ENO4: variants seen among roughly 807,000 people sequenced by gnomAD.
ENO4 encodes the protein 2-phospho-D-glycerate hydro-lyase.
A neutral mutation model predicts 63.2 loss-of-function variants in ENO4; 53 were observed. That is an observed-to-expected ratio of 0.84 (90% CI 0.67 to 1.05). The LOEUF (loss-of-function observed/expected upper bound fraction) is 1.05, where lower values mean the gene tolerates loss of function less well. Among genes scored for constraint, ENO4 ranks in the 50% least tolerant of loss-of-function variants. ENO4 has a pLI of 0.00. For synonymous variants in ENO4, 266 were observed against 283.8 expected (o/e 0.94, Z 0.63); for missense variants, 719 against 772.0 (o/e 0.93, Z 0.81).
chr10:116,881,660 C>T lies in ENO4; in HGVS notation c.1869C>T (p.Ser623=), dbSNP rs987434804. 6.5e-6 allele frequency: 10 copies of T among 1,545,348 alleles called. No individual in the cohort carries two copies. Among genetic ancestry groups the T allele is most frequent in the Non-Finnish European group, 8.7e-6 (10 of 1,144,626 alleles). ...AGGAATCAGCCGAAACAGGAGCATC[C>T]TCTGGATAGGGCTGTACACACCCCA... ...GVEESAETGA[S]SG is the part of the protein sequence containing the mutation. The change falls in exon 14 of 14, where the codon TCC becomes TCT. Residue 623 remains serine (S), a synonymous_variant. Coordinates refer to ENST00000341276, the MANE Select transcript of ENO4 (RefSeq NM_001242699.2).
intron 8 of ENO4, among the ~76,000 whole-genome samples, 193 bp downstream of exon 8, chr10:116,868,899 CGACCATCGCTGGCAGCAGCTGTCT>C (rs1846615351): frequency 1.3e-5 from 2 of 152,132 alleles, no homozygotes; most frequent in Admixed American, 1.3e-4. Context: ...ACAGGCTGCC[CGACCATCGCTGGCAGCAGCTGTCT>C]GACCATCTGG....
At chr10:116,880,105 G>A in intron 13 of ENO4, 119 bp downstream of exon 13, 1 of 687,372 alleles carries the variant, frequency 1.5e-6, no homozygotes, top group East Asian at 2.9e-5. Context: ...CCATACATAA[G>A]TGCTGACAAA....
downstream of ENO4, among the ~76,000 whole-genome samples, chr10:116,912,207 C>T (rs1848226236): frequency 6.6e-6 from 1 of 152,186 alleles, no homozygotes; most frequent in Non-Finnish European, 1.5e-5. Flanking sequence ...TGTCCTCTAC[C>T]TGCATTGCTG....
At chr10:116,888,489 C>G (rs1001690973) in intron 10 of ENO4, among the ~76,000 whole-genome samples, 1 of 152,156 alleles carries the variant, frequency 6.6e-6, no homozygotes, top group Non-Finnish European at 1.5e-5. Flanking sequence ...GCTGTTCTGA[C>G]AGTTGGGAGG....
At chr10:116,865,269 C>T (rs1055042002) in intron 7 of ENO4, among the ~76,000 whole-genome samples, 1 of 152,056 alleles carries the variant, frequency 6.6e-6, no homozygotes, top group Non-Finnish European at 1.5e-5. Flanking sequence ...CTCACTGCAA[C>T]CTCTGCTTTC....
At chr10:116,852,973 C>A (rs572305180) in intron 1 of ENO4, among the ~76,000 whole-genome samples, 1 of 152,254 alleles carries the variant, frequency 6.6e-6, no homozygotes, top group East Asian at 1.9e-4. Context: ...TGGTTTAAAC[C>A]ACCAAGGTTT....
At chr10:116,849,997 A>T in intron 1 of ENO4, 97 of 573,860 alleles carry the variant, frequency 1.7e-4, no homozygotes, top group Middle Eastern at 5.5e-4. Flanking sequence ...GCGGCAGCCC[A>T]GGGGCTGGCA....
At chr10:116,879,810 T>A in intron 12 of ENO4, 59 bp from the exon 13 acceptor site, 1 of 1,276,464 alleles carries the variant, frequency 7.8e-7, no homozygotes, top group Non-Finnish European at 1.1e-6. Flanking sequence ...TAAAGAATTG[T>A]TTGTCGTTTA....
chr10:116,886,374 G>T, downstream of ENO4: 1 of 1,558,192 alleles, frequency 6.4e-7, no homozygotes, highest in Non-Finnish European at 8.7e-7. Context: ...TCTCTCTCAC[G>T]TTTTCAATGC....
At chr10:116,866,840 G>A (rs563417590) in intron 7 of ENO4, among the ~76,000 whole-genome samples, 2 of 151,540 alleles carry the variant, frequency 1.3e-5, no homozygotes, top group East Asian at 3.9e-4. Context: ...TGGGAGGAAC[G>A]CTGAATTGCT....
chr10:116,899,198 AAT>A (rs202112550), intron 10 of ENO4, among the ~76,000 whole-genome samples: 1 of 152,184 alleles, frequency 6.6e-6, no homozygotes, highest in African/African-American at 2.4e-5. Flanking sequence ...GGAGAGAAAA[AAT>A]AAAACAATAA....
chr10:116,860,824 T>C lies in ENO4; in HGVS notation c.665T>C (p.Ile222Thr), dbSNP rs1392272763. ...GRKDTITEKP[I>T]APAEPVEPVL... ...AAGGATACTATTACAGAGAAACCTA[T>C]TGCGCCTGCAGAGCCTGTTGAGCCT... The change falls in exon 5 of 14, where the codon ATT becomes ACT. Residue 222 changes from isoleucine to threonine, a missense_variant. Physicochemically the swap from Ile to Thr is moderately conservative, Grantham distance 89. This residue lies in a region of ENO4 where 544 missense variants were observed against 583.6 expected (regional missense o/e 0.93). Transcript: ENST00000341276. 1.3e-6 allele frequency: 2 copies of C among 1,537,916 alleles called. No homozygotes were observed. The highest frequency in any genetic ancestry group is 2.4e-5 in the South Asian group (2 of 82,396).
At chr10:116,869,977 C>A (rs1447665806) in intron 8 of ENO4, among the ~76,000 whole-genome samples, 1 of 152,118 alleles carries the variant, frequency 6.6e-6, no homozygotes, top group Non-Finnish European at 1.5e-5. Flanking sequence ...CAGTACCTGG[C>A]ATTTAGTAAG....
rs1361555877 is a variant in ENO4, at chr10:116,882,274, G to C, written c.*605G>C. The C allele has an allele frequency of 6.6e-6, 1 of 151,272 alleles. No homozygotes were observed. The highest frequency in any genetic ancestry group is 6.6e-5 in the Admixed American group (1 of 15,172). The allele number at this position is 151,272 out of a possible 1,614,324, so 9.4% of individuals were successfully genotyped here. The stretch of plus-strand genomic sequence containing the variant: ...ATTTTTATCTTTGCGAGTCTTCTTA[G>C]ATCCTTTTTGGAGTAAGAATGAGTA... On this transcript the variant is annotated 3_prime_UTR_variant, in exon 14 of 14. Coordinates refer to ENST00000341276, the MANE Select transcript of ENO4 (RefSeq NM_001242699.2).
chr10:116,873,036 T>A (rs1341648201), intron 9 of ENO4, among the ~76,000 whole-genome samples: 1 of 152,234 alleles, frequency 6.6e-6, no homozygotes, highest in Non-Finnish European at 1.5e-5. Context: ...ATATACTGAC[T>A]GCTAGTGCTA....
intron 11 of ENO4, among the ~76,000 whole-genome samples, chr10:116,878,888 T>C (rs555023568): frequency 3.5e-4 from 53 of 151,786 alleles, no homozygotes; most frequent in East Asian, 5.9e-4. Flanking sequence ...GGACTACAGG[T>C]GCCTACCACC....
At chr10:116,868,731 C>A in intron 8 of ENO4, 25 bp downstream of exon 8, 1 of 1,537,302 alleles carries the variant, frequency 6.5e-7, no homozygotes. Context: ...TGTTTACCAT[C>A]CTTCCATATG....
At chr10:116,852,774 C>A (rs114456467) in intron 1 of ENO4, among the ~76,000 whole-genome samples, 30 of 152,258 alleles carry the variant, frequency 2.0e-4, no homozygotes, top group African/African-American at 7.0e-4. Flanking sequence ...AAGATAGATG[C>A]CCAGCCAACC....
At chr10:116,864,057 A>T (rs1846489711) in intron 7 of ENO4, among the ~76,000 whole-genome samples, 2 of 152,346 alleles carry the variant, frequency 1.3e-5, no homozygotes, top group East Asian at 3.9e-4. Context: ...AAACAAGTGT[A>T]ATATCAAACA....
Sources: allele counts gnomAD v4.1 joint callset (sites outside exome capture counted in the v4.1 genomes callset), GRCh38; gene constraint gnomAD v4.1.1; regional missense constraint gnomAD v4.1.1; transcripts MANE v1.5; gene names NCBI Gene and HGNC (gene_info 2026-07-23, HGNC 2026-07-21).